CHRNB4: variants seen among roughly 807,000 people sequenced by gnomAD.
CHRNB4 encodes the protein cholinergic receptor nicotinic beta 4 subunit, also known as neuronal acetylcholine receptor subunit beta-4.
Under a neutral mutation model 40.4 loss-of-function variants are expected in CHRNB4, and 23 were observed. That is an observed-to-expected ratio of 0.57 (90% CI 0.41 to 0.81). The LOEUF is 0.81. Ranked by LOEUF, CHRNB4 falls within the 30% of genes least tolerant of loss-of-function variation. The pLI, the probability that CHRNB4 is intolerant of heterozygous loss-of-function variation, is 0.00. For synonymous variants in CHRNB4, 285 were observed against 274.4 expected, an observed-to-expected ratio of 1.04 and a Z score of -0.38; for missense variants, 568 against 670.6, an observed-to-expected ratio of 0.85 and a Z score of 1.69.
chr15:78,631,114 T>C lies in CHRNB4; in HGVS notation c.321A>G (p.Ala107=). 1 of 1,614,236 alleles carries C rather than the reference T, an allele frequency of 6.2e-7. No individual in the cohort carries two copies. Among genetic ancestry groups the C allele is most frequent in the Non-Finnish European group, 8.5e-7 (1 of 1,180,034 alleles). ...CGATGTCAGGCAACCAGATGCGCTT[T>C]GCAGGGATCCTCAGGATGTTCACAC... ...YEGVNILRIP[A]KRIWLPDIVL... Residue 107 remains alanine (A), a synonymous_variant, in exon 4 of 6, where the codon GCA becomes GCG. Coordinates refer to ENST00000261751, the MANE Select transcript of CHRNB4 (RefSeq NM_000750.5).
chr15:78,656,376 A>G (rs1441076254), exon 4 of CHRNB4: 4 of 151,498 alleles, frequency 2.6e-5, no homozygotes, highest in Non-Finnish European at 4.4e-5. Context: ...AATGATTGAT[A>G]GCATAGTAGG....
At chr15:78,650,852 T>C (rs932862557) in intron 6 of CHRNB4, among the ~76,000 whole-genome samples, 1 of 152,022 alleles carries the variant, frequency 6.6e-6, no homozygotes, top group Admixed American at 6.5e-5. Context: ...TAGGGAAGTG[T>C]GATGGTCTAA....
upstream of CHRNB4, chr15:78,641,365 G>A: frequency 4.3e-6 from 2 of 462,544 alleles, no homozygotes; most frequent in Non-Finnish European, 7.5e-6. Context: ...CTGCCGCCTG[G>A]CTTCCCTATC....
upstream of CHRNB4, among the ~76,000 whole-genome samples, chr15:78,645,381 T>C (rs1447775919): frequency 6.6e-6 from 1 of 152,202 alleles, no homozygotes; most frequent in Non-Finnish European, 1.5e-5. Flanking sequence ...TGGCATGCCA[T>C]GTCTCTTGTT....
At chr15:78,634,607 T>C in intron 2 of CHRNB4, 1 of 421,424 alleles carries the variant, frequency 2.4e-6, no homozygotes, top group South Asian at 1.7e-5. Context: ...GTCTGGCATT[T>C]CAGAAGGCAG....
intron 1 of CHRNB4, among the ~76,000 whole-genome samples, chr15:78,640,777 G>A (rs2054053232): frequency 6.6e-6 from 1 of 152,212 alleles, no homozygotes. Flanking sequence ...TGCCTGCAAA[G>A]CCGGTGTCAT....
rs1421578802 is a variant in CHRNB4 at position 78,635,598 on chromosome 15, A to G, written c.56-11T>C. ...CCACGCGGCAGTTCCCTGAGAAAACACACAGTCAGACCTGCTGGGCCCTTG... is the reference window on the plus strand; with the variant it reads ...CCACGCGGCAGTTCCCTGAGAAAACGCACAGTCAGACCTGCTGGGCCCTTG... On this transcript the variant is annotated splice_polypyrimidine_tract_variant and intron_variant, in intron 1 of 5. Transcript: ENST00000261751. 2 of 1,613,732 alleles carry G rather than the reference A, an allele frequency of 1.2e-6. No homozygotes were observed. Among genetic ancestry groups the G allele is most frequent in the African/African-American group, 2.7e-5 (2 of 74,920 alleles).
rs753524942 is a variant in CHRNB4, at chr15:78,641,086, G to A, written c.48C>T (p.Cys16=). Residue 16 remains cysteine, a synonymous_variant, in exon 1 of 6, where the codon TGC becomes TGT. Transcript: ENST00000261751. ...SLVLFFLVAL[C]GRGNCRVANA... ...TCCCCGAAAAGAACTCACCGCGCCCGCAAAGGGCGACCAGGAAGAAAAGGA... is the reference window on the plus strand; with the variant it reads ...TCCCCGAAAAGAACTCACCGCGCCCACAAAGGGCGACCAGGAAGAAAAGGA... 23 of 1,579,294 alleles carry A rather than the reference G, an allele frequency of 1.5e-5. No individual in the cohort carries two copies. The highest frequency in any genetic ancestry group is 6.9e-5 in the South Asian group (6 of 86,350).
upstream of CHRNB4, among the ~76,000 whole-genome samples, chr15:78,643,259 G>GT (rs951218707): frequency 1.1e-3 from 160 of 148,954 alleles, no homozygotes; most frequent in African/African-American, 3.2e-3. Flanking sequence ...AGCAAGTTAG[G>GT]TTTTTTTTTT....
intron 6 of CHRNB4, among the ~76,000 whole-genome samples, chr15:78,650,684 G>T (rs2054164817): frequency 6.6e-6 from 1 of 152,220 alleles, no homozygotes; most frequent in Non-Finnish European, 1.5e-5. Context: ...GCCGCAAGTG[G>T]TGTCACTGGC....
chr15:78,641,483 G>T (rs1229931179), upstream of CHRNB4, among the ~76,000 whole-genome samples: 1 of 152,260 alleles, frequency 6.6e-6, no homozygotes, highest in Admixed American at 6.5e-5. Context: ...GCTAGCGCAG[G>T]ATCCCTCTAC....
intron 2 of CHRNB4, chr15:78,634,867 C>T (rs1416079742): frequency 9.2e-6 from 4 of 436,282 alleles, no homozygotes; most frequent in Middle Eastern, 3.9e-4. Context: ...CTCTGCCCCA[C>T]ATCCACATAT....
In CHRNB4 at chr15:78,625,121, C is replaced by A. The variant is rs773885350; in HGVS notation, c.*12G>T. 6.2e-7 allele frequency: 1 copy of A among 1,614,042 alleles called. No individual in the cohort carries two copies. On this transcript the variant is annotated 3_prime_UTR_variant, in exon 6 of 6. Transcript: ENST00000261751. ...CCACTCACATCCTCTCACCCCACAACCCAGGGGGCCCTCAGTCACGCTGGG... is the reference window on the plus strand; with the variant it reads ...CCACTCACATCCTCTCACCCCACAAACCAGGGGGCCCTCAGTCACGCTGGG...
At chr15:78,640,967 C>T (rs1417142149) in intron 1 of CHRNB4, 112 bp downstream of exon 1, 4 of 1,236,872 alleles carry the variant, frequency 3.2e-6, no homozygotes, top group Non-Finnish European at 4.5e-6. Context: ...GGGACAATCT[C>T]GGGCCACTCC....
chr15:78,630,926 A>C, intron 4 of CHRNB4, 150 bp downstream of exon 4: 1 of 638,284 alleles, frequency 1.6e-6, no homozygotes, highest in Non-Finnish European at 2.8e-6. Flanking sequence ...GGCTCTGCTC[A>C]CCTCTGTTTC....
intron 1 of CHRNB4, among the ~76,000 whole-genome samples, chr15:78,659,818 G>A (rs190584133): frequency 5.3e-5 from 8 of 152,330 alleles, no homozygotes; most frequent in Admixed American, 3.9e-4. Flanking sequence ...TGACATGATT[G>A]CTTTAATTGG....
At chr15:78,645,092 A>G (rs2054112182), upstream of CHRNB4, among the ~76,000 whole-genome samples, 1 of 151,934 alleles carries the variant, frequency 6.6e-6, no homozygotes, top group South Asian at 2.1e-4. Context: ...AGCCAATCCG[A>G]AGCCCACACC....
At chr15:78,654,304 G>C (rs1206388742) in intron 5 of CHRNB4, among the ~76,000 whole-genome samples, 1 of 152,196 alleles carries the variant, frequency 6.6e-6, no homozygotes, top group East Asian at 1.9e-4. Flanking sequence ...CCCTGATGGG[G>C]TCTGATTTCC....
At chr15:78,651,404 G>A (rs2054170454) in intron 6 of CHRNB4, among the ~76,000 whole-genome samples, 1 of 152,174 alleles carries the variant, frequency 6.6e-6, no homozygotes, top group African/African-American at 2.4e-5. Context: ...CTCCCCGACT[G>A]CTGACCATAT....
Sources: allele counts gnomAD v4.1 joint callset (sites outside exome capture counted in the v4.1 genomes callset), GRCh38; gene constraint gnomAD v4.1.1; transcripts MANE v1.5; gene names NCBI Gene and HGNC (gene_info 2026-07-23, HGNC 2026-07-21).